The following CDH18 variants were observed in gnomAD, a reference collection of about 807,000 sequenced individuals.
CDH18 encodes cadherin-18.
In CDH18, 31 loss-of-function variants were observed where a neutral mutation model predicts 67.9. The ratio of observed to expected loss-of-function variants is 0.46; its 90% CI spans 0.34 to 0.62. The LOEUF is 0.62. Among genes scored for constraint, CDH18 ranks in the 20% least tolerant of loss-of-function variants. The pLI is 0.01. For missense variants in CDH18, 890 were observed against 975.5 expected (o/e 0.91, Z 1.17); for synonymous variants, 362 against 347.2 (o/e 1.04, Z -0.48).
At chr5:20,154,197 T>C (rs1336570316) in intron 2 of CDH18, among the ~76,000 whole-genome samples, 1 of 152,216 alleles carries the variant, frequency 6.6e-6, no homozygotes, top group Non-Finnish European at 1.5e-5. Flanking sequence ...TGGTATTTAA[T>C]GGATGCTCAA....
chr5:19,699,891 C>T (rs909904613), intron 5 of CDH18, among the ~76,000 whole-genome samples: 3 of 151,958 alleles, frequency 2.0e-5, no homozygotes, highest in Admixed American at 6.6e-5. Context: ...GTACAGTGTA[C>T]GCTATTAAGG....
intron 2 of CDH18, among the ~76,000 whole-genome samples, chr5:20,166,853 G>T (rs1736336160): frequency 6.6e-6 from 1 of 152,120 alleles, no homozygotes; most frequent in Non-Finnish European, 1.5e-5. Context: ...CAATGAATGT[G>T]CTTTATGAGC....
At chr5:20,401,628 T>C (rs1745780088) in intron 1 of CDH18, among the ~76,000 whole-genome samples, 1 of 152,114 alleles carries the variant, frequency 6.6e-6, no homozygotes, top group Non-Finnish European at 1.5e-5. Flanking sequence ...GTTGATCAAA[T>C]TATAAAATAG....
At chr5:19,866,262 A>C (rs2150001001) in intron 2 of CDH18, among the ~76,000 whole-genome samples, 1 of 152,334 alleles carries the variant, frequency 6.6e-6, no homozygotes, top group South Asian at 2.1e-4. Flanking sequence ...AGAACACATA[A>C]TCAGTATAAT....
Position 20,023,528 on chromosome 5 carries a change from G to A in CDH18, c.-517-31514C>T, listed in dbSNP as rs893051759. Among the ~76,000 whole-genome samples the A allele has an allele frequency of 1.8e-4, 28 of 151,794 alleles. 1 individual carries two copies. Among genetic ancestry groups the A allele is most frequent in the East Asian group, 5.8e-4 (3 of 5,148 alleles). ...CAAAGAAATAGCCGGGCGTGGTGGC[G>A]GGCACCTGTACTCCCAGCTACTCGG... On this transcript the variant is annotated intron_variant, in intron 2 of 14. Transcript: ENST00000507958.
intron 5 of CDH18, among the ~76,000 whole-genome samples, chr5:19,617,245 A>G (rs1227558175): frequency 6.6e-6 from 1 of 152,212 alleles, no homozygotes; most frequent in Non-Finnish European, 1.5e-5. Context: ...ATAATATACA[A>G]AATGATGTGC....
At chr5:20,363,876 A>G (rs1742304301) in intron 1 of CDH18, among the ~76,000 whole-genome samples, 1 of 152,180 alleles carries the variant, frequency 6.6e-6, no homozygotes, top group Non-Finnish European at 1.5e-5. Flanking sequence ...AATTTAAATA[A>G]TAATCTTTAA....
chr5:19,806,758 AC>A (rs1350026228), intron 3 of CDH18, among the ~76,000 whole-genome samples: 1 of 152,188 alleles, frequency 6.6e-6, no homozygotes, highest in Admixed American at 6.5e-5. Flanking sequence ...ACAGAAATTA[AC>A]CTACATTTGA....
chr5:19,556,512 T>C (rs775924431), intron 8 of CDH18, among the ~76,000 whole-genome samples: 2 of 151,446 alleles, frequency 1.3e-5, no homozygotes, highest in South Asian at 2.1e-4. Context: ...ATTGAACAAA[T>C]AGAAGAAAAA....
At chr5:20,311,067 T>C (rs1336170684) in intron 1 of CDH18, among the ~76,000 whole-genome samples, 1 of 152,052 alleles carries the variant, frequency 6.6e-6, no homozygotes, top group East Asian at 1.9e-4. Flanking sequence ...CAATATTGTA[T>C]ACACCCCTGA....
rs576754281 is a variant in CDH18 at position 19,925,554 on chromosome 5, T to A, written c.-257+55506A>T. 5.3e-5 allele frequency among the ~76,000 whole-genome samples: 8 copies of A among 152,206 alleles called. No individual in the cohort carries two copies. In the South Asian group the frequency reaches 1.7e-3, roughly 32 times the overall value. ...CCCTGGCTGGAGTGCAGTGGCATGA[T>A]CTCGGCTCACTGCAACCTCTGCCTC... On this transcript the variant is annotated intron_variant, in intron 2 of 12. Coordinates refer to ENST00000382275, the MANE Select transcript of CDH18 (RefSeq NM_004934.5).
chr5:19,859,368 A>C (rs551496439), intron 2 of CDH18, among the ~76,000 whole-genome samples: 1 of 152,284 alleles, frequency 6.6e-6, no homozygotes, highest in East Asian at 1.9e-4. Flanking sequence ...GACAAATACC[A>C]GGCCCTGAAA....
intron 2 of CDH18, among the ~76,000 whole-genome samples, chr5:20,002,229 C>T (rs565757540): frequency 2.6e-5 from 4 of 152,152 alleles, no homozygotes; most frequent in Middle Eastern, 3.4e-3. Context: ...CATCATTGGC[C>T]CCATTTAATT....
At chr5:20,539,403 T>C (rs1253959404) in intron 1 of CDH18, among the ~76,000 whole-genome samples, 1 of 152,166 alleles carries the variant, frequency 6.6e-6, no homozygotes, top group African/African-American at 2.4e-5. Flanking sequence ...AGAATTCATG[T>C]TAGCTTTCAG....
At chr5:20,498,313 C>T (rs1164586348) in intron 1 of CDH18, among the ~76,000 whole-genome samples, 2 of 152,112 alleles carry the variant, frequency 1.3e-5, no homozygotes, top group African/African-American at 4.8e-5. Context: ...TCTAAGCTCC[C>T]TCTTTTCCAG....
chr5:20,265,458 G>C lies in CDH18; in HGVS notation c.-579-9953C>G, dbSNP rs1744960446. On this transcript the variant is annotated intron_variant, in intron 1 of 14. Transcript: ENST00000507958. The stretch of plus-strand genomic sequence containing the variant: ...TGTATACTATTTCTGCTTGACAAAA[G>C]AAACATTCAAAATAAAAGTTCCAGT... Among the ~76,000 whole-genome samples, 4 of 151,786 alleles carry C rather than the reference G, an allele frequency of 2.6e-5. No individual in the cohort carries two copies. The South Asian group carries it at 6.2e-4, about 24-fold the overall frequency.
chr5:20,070,863 G>A (rs146462474), intron 2 of CDH18, among the ~76,000 whole-genome samples: 119 of 152,232 alleles, frequency 7.8e-4, no homozygotes, highest in South Asian at 2.5e-3. Flanking sequence ...TCAACAGAAA[G>A]TGATTCTTCA....
chr5:20,279,476 A>G (rs1459783327), intron 1 of CDH18, among the ~76,000 whole-genome samples: 1 of 151,928 alleles, frequency 6.6e-6, no homozygotes, highest in Non-Finnish European at 1.5e-5. Context: ...AGGCAGGTGG[A>G]TCACCTGAGG....
At chr5:20,044,506 G>T (rs1376141692) in intron 2 of CDH18, among the ~76,000 whole-genome samples, 5 of 152,004 alleles carry the variant, frequency 3.3e-5, no homozygotes, top group African/African-American at 4.8e-5. Context: ...TGAAAATTGA[G>T]AATCAATTTT....
Sources: gnomAD v4.1 joint callset for allele counts (sites outside exome capture counted in the v4.1 genomes callset) on GRCh38, gnomAD v4.1.1 for gene constraint, MANE v1.5 for transcripts, NCBI Gene and HGNC (gene_info 2026-07-23, HGNC 2026-07-21) for gene names.